Variants in ZBTB20 observed in about 807,000 individuals in gnomAD.
The protein encoded by ZBTB20 is zinc finger and BTB domain containing 20.
Under a neutral mutation model 56.9 loss-of-function variants are expected in ZBTB20, and 9 were observed. That is an observed-to-expected ratio of 0.16 (90% CI 0.10 to 0.28). The LOEUF (loss-of-function observed/expected upper bound fraction) is 0.28. Ranked by LOEUF, ZBTB20 falls within the 10% of genes least tolerant of loss-of-function variation. The probability of loss-of-function intolerance (pLI) is 1.00; values close to 1 mark genes in which losing one functional copy is unlikely to be tolerated. For missense variants in ZBTB20, 655 were observed against 1,003.0 expected (o/e 0.65, Z 4.69); for synonymous variants, 417 against 420.7 (o/e 0.99, Z 0.11).
At chr3:114,736,604 G>GT (rs988232001) in intron 5 of ZBTB20, among the ~76,000 whole-genome samples, 2 of 152,106 alleles carry the variant, frequency 1.3e-5, no homozygotes, top group African/African-American at 4.8e-5. Flanking sequence ...TAAAATTCAA[G>GT]TAAGGACTAA....
At chr3:114,601,391 C>T (rs570108257) in intron 6 of ZBTB20, among the ~76,000 whole-genome samples, 1 of 152,190 alleles carries the variant, frequency 6.6e-6, no homozygotes, top group African/African-American at 2.4e-5. Flanking sequence ...TAATATTTTG[C>T]TGTAAGCAGA....
chr3:114,819,780 T>C (rs1460535500), intron 4 of ZBTB20, among the ~76,000 whole-genome samples: 3 of 151,276 alleles, frequency 2.0e-5, no homozygotes, highest in Non-Finnish European at 4.4e-5. Context: ...GAGAAAAAAA[T>C]ACACAAGAAA....
intron 6 of ZBTB20, among the ~76,000 whole-genome samples, chr3:114,506,786 C>T (rs966728011): frequency 6.6e-6 from 1 of 152,156 alleles, no homozygotes; most frequent in Non-Finnish European, 1.5e-5. Context: ...AGACCTTTCA[C>T]AATCTGGCCC....
In ZBTB20 at chr3:115,072,961, T is replaced by C. The variant is rs529438853; in HGVS notation, c.-702-1547A>G. The stretch of plus-strand genomic sequence containing the variant: ...TGAAAATAATATCTGTCTTATGAGA[T>C]TGTTGTGAAGAATAATAAGATAATA... On this transcript the variant is annotated intron_variant, in intron 1 of 11. Transcript: ENST00000675478. 3.9e-5 allele frequency among the ~76,000 whole-genome samples: 6 copies of C among 152,330 alleles called. No individual in the cohort carries two copies. In the East Asian group the frequency reaches 1.2e-3, roughly 29 times the overall value.
At position 115,131,171 on chromosome 3, in the gene ZBTB20, G is replaced by C. The variant is rs569025363; in HGVS notation, c.-703+16048C>G. Among the ~76,000 whole-genome samples the C allele has an allele frequency of 4.6e-5, 7 of 151,806 alleles. No individual in the cohort carries two copies. In the South Asian group the frequency reaches 8.4e-4, roughly 18 times the overall value. On this transcript the variant is annotated intron_variant, in intron 1 of 11. Coordinates refer to ENST00000675478, the MANE Select transcript of ZBTB20 (RefSeq NM_001348800.3). ...AACTTTTCTTTTCCTTTATTTCTTG[G>C]GTATCTGCTCCTCTCCTTTCATATT... is the stretch of plus-strand genomic sequence containing the variant.
chr3:114,961,139 G>C (rs896620734), intron 3 of ZBTB20, among the ~76,000 whole-genome samples: 2 of 150,308 alleles, frequency 1.3e-5, no homozygotes, highest in African/African-American at 4.9e-5. Flanking sequence ...CATGATAACT[G>C]GTCAATCTCT....
chr3:114,952,445 T>C (rs1429493949), intron 3 of ZBTB20, among the ~76,000 whole-genome samples: 1 of 152,072 alleles, frequency 6.6e-6, no homozygotes, highest in African/African-American at 2.4e-5. Flanking sequence ...GTATTAATTA[T>C]CCAATTTCTG....
intron 2 of ZBTB20, among the ~76,000 whole-genome samples, chr3:115,015,881 T>C (rs940071345): frequency 1.3e-5 from 2 of 151,926 alleles, no homozygotes; most frequent in African/African-American, 4.8e-5. Flanking sequence ...TCTAGATCTC[T>C]GAAGAATCTC....
chr3:114,461,516 G>C (rs985151020), intron 7 of ZBTB20, among the ~76,000 whole-genome samples: 5 of 152,104 alleles, frequency 3.3e-5, no homozygotes, highest in African/African-American at 1.2e-4. Context: ...ATGTTGCTCA[G>C]GCTGGTCTCA....
At chr3:114,432,089 A>G (rs1489850367) in intron 7 of ZBTB20, among the ~76,000 whole-genome samples, 2 of 152,164 alleles carry the variant, frequency 1.3e-5, no homozygotes, top group Non-Finnish European at 2.9e-5. Context: ...TTGCTAATGT[A>G]AAAGTCCCAG....
At chr3:114,864,888 G>A (rs911273006) in intron 4 of ZBTB20, among the ~76,000 whole-genome samples, 3 of 152,008 alleles carry the variant, frequency 2.0e-5, no homozygotes, top group African/African-American at 7.2e-5. Context: ...TCTTCAATCT[G>A]CATATGGATT....
chr3:114,787,368 T>TATATAC lies in ZBTB20; in HGVS notation c.-343+13732_-343+13733insGTATAT, dbSNP rs1433434685. ...ATATATATATATATATATATATATA[T>TATATAC]ACACACACACACACACACACACACA... is the stretch of plus-strand genomic sequence containing the variant. On this transcript the variant is annotated intron_variant, in intron 5 of 11. Transcript: ENST00000675478. Among the ~76,000 whole-genome samples, 2 of 106,314 alleles carry TATATAC rather than the reference T, an allele frequency of 1.9e-5. 1 individual carries two copies. Among genetic ancestry groups the TATATAC allele is most frequent in the African/African-American group, 9.1e-5 (2 of 22,054 alleles). The allele number at this position is 106,314 out of a possible 152,430, so 69.7% of individuals were successfully genotyped here. A position where few individuals can be genotyped will look rare whatever the true frequency, so the allele number is the denominator to read the frequency against.
chr3:114,831,848 G>T (rs999202981), intron 4 of ZBTB20, among the ~76,000 whole-genome samples: 1 of 151,978 alleles, frequency 6.6e-6, no homozygotes, highest in Admixed American at 6.6e-5. Flanking sequence ...ACAGAGGAAT[G>T]GGACTGTACC....
At chr3:114,783,932 A>C (rs2070303927) in intron 5 of ZBTB20, among the ~76,000 whole-genome samples, 2 of 152,198 alleles carry the variant, frequency 1.3e-5, no homozygotes, top group South Asian at 4.1e-4. Context: ...ATTGAACAAA[A>C]ACCACATAGG....
In ZBTB20 at chr3:114,327,470, A is replaced by G. The variant is rs1158929279; in HGVS notation, c.*11535T>C. 2.0e-5 allele frequency: 3 copies of G among 152,178 alleles called. No individual in the cohort carries two copies. In the East Asian group the frequency reaches 5.8e-4, roughly 29 times the overall value. The allele number at this position is 152,178 out of a possible 1,614,324, so 9.4% of individuals were successfully genotyped here. On this transcript the variant is annotated 3_prime_UTR_variant, in exon 12 of 12. Coordinates refer to ENST00000675478, the MANE Select transcript of ZBTB20 (RefSeq NM_001348800.3). Reference sequence around the variant, plus strand: ...GAAAAAAAAAATACCAGGAGTTAGAATGGACAAAGAAAAAGAAGGATATAG... The same window carrying G: ...GAAAAAAAAAATACCAGGAGTTAGAGTGGACAAAGAAAAAGAAGGATATAG...
chr3:114,876,322 T>C (rs538760671), intron 4 of ZBTB20: 1 of 152,180 alleles, frequency 6.6e-6, no homozygotes, highest in East Asian at 1.9e-4. Context: ...GTCATTCTTA[T>C]GCCTTTGCAT....
chr3:114,681,436 C>A (rs771976933), intron 6 of ZBTB20, among the ~76,000 whole-genome samples: 1 of 151,984 alleles, frequency 6.6e-6, no homozygotes, highest in African/African-American at 2.4e-5. Context: ...GCTGGGATTA[C>A]AGGCGTGAGC....
At chr3:114,877,702 T>C (rs1182859523) in intron 4 of ZBTB20, among the ~76,000 whole-genome samples, 1 of 152,234 alleles carries the variant, frequency 6.6e-6, no homozygotes, top group Non-Finnish European at 1.5e-5. Flanking sequence ...TCTATTTTAA[T>C]AATTTTTTCT....
intron 2 of ZBTB20, among the ~76,000 whole-genome samples, chr3:115,035,430 T>C (rs575877129): frequency 6.6e-6 from 1 of 152,122 alleles, no homozygotes; most frequent in South Asian, 2.1e-4. Context: ...AAGAAAGATA[T>C]ACAGATGGCA....
Sources: allele counts gnomAD v4.1 joint callset (sites outside exome capture counted in the v4.1 genomes callset), GRCh38; gene constraint gnomAD v4.1.1; transcripts MANE v1.5; gene names NCBI Gene and HGNC (gene_info 2026-07-23, HGNC 2026-07-21).